The following UNC13C variants were observed in gnomAD, a reference collection of about 807,000 sequenced individuals.
The protein encoded by UNC13C is unc-13 homolog C.
Under a neutral mutation model 245.4 loss-of-function variants are expected in UNC13C, and 174 were observed. The ratio of observed to expected loss-of-function variants is 0.71; its 90% CI spans 0.63 to 0.80. The LOEUF is 0.80. Among genes scored for constraint, UNC13C ranks in the 30% least tolerant of loss-of-function variants. UNC13C has a pLI of 0.00. For synonymous variants in UNC13C, 992 were observed against 895.1 expected, an observed-to-expected ratio of 1.11 and a Z score of -1.93; for missense variants, 2,829 against 2,602.9, an observed-to-expected ratio of 1.09 and a Z score of -1.89.
intron 2 of UNC13C, among the ~76,000 whole-genome samples, chr15:54,126,581 C>T (rs1470100341): frequency 6.6e-6 from 1 of 151,996 alleles, no homozygotes; most frequent in Non-Finnish European, 1.5e-5. Flanking sequence ...AAGACTTAAA[C>T]CTAAGACCTA....
the UNC13C span, among the ~76,000 whole-genome samples, chr15:53,873,663 C>T: frequency 0.7 from 95,149 of 136,100 alleles, 29,845 homozygotes; most frequent in East Asian, 0.74. Flanking sequence ...TGGAGGCCCT[C>T]TCACTTGGCT....
chr15:54,551,052 A>C (rs1896714421), intron 28 of UNC13C, among the ~76,000 whole-genome samples: 1 of 152,124 alleles, frequency 6.6e-6, no homozygotes, highest in Non-Finnish European at 1.5e-5. Flanking sequence ...AACATAAGCA[A>C]ACAGGGAATT....
At chr15:54,404,525 T>A (rs2040255134) in intron 18 of UNC13C, among the ~76,000 whole-genome samples, 1 of 152,102 alleles carries the variant, frequency 6.6e-6, no homozygotes, top group South Asian at 2.1e-4. Flanking sequence ...TTTATGATGG[T>A]AGATTAAGTT....
intron 2 of UNC13C, among the ~76,000 whole-genome samples, chr15:54,033,014 A>G (rs1317646804): frequency 1.3e-5 from 2 of 152,164 alleles, no homozygotes; most frequent in African/African-American, 4.8e-5. Context: ...GAGAGATAAA[A>G]GACTACAAAT....
intron 4 of UNC13C, among the ~76,000 whole-genome samples, chr15:54,175,603 C>A (rs1004685326): frequency 6.6e-6 from 1 of 150,820 alleles, no homozygotes; most frequent in Non-Finnish European, 1.5e-5. Context: ...AGCTCCGCCT[C>A]CCGGGTTCAC....
At chr15:54,232,432 G>A (rs943008159) in intron 4 of UNC13C, among the ~76,000 whole-genome samples, 7 of 152,138 alleles carry the variant, frequency 4.6e-5, no homozygotes, top group Non-Finnish European at 1.0e-4. Flanking sequence ...TAGGAGTGAA[G>A]TGTCAGGCCC....
intron 2 of UNC13C, among the ~76,000 whole-genome samples, chr15:54,083,526 C>T (rs992108823): frequency 3.3e-5 from 5 of 152,202 alleles, no homozygotes; most frequent in Admixed American, 1.3e-4. Flanking sequence ...TGTCAGCCCC[C>T]AGTGGGGAGA....
intron 13 of UNC13C, among the ~76,000 whole-genome samples, chr15:54,313,393 T>A (rs2037924996): frequency 6.6e-6 from 1 of 151,866 alleles, no homozygotes; most frequent in Non-Finnish European, 1.5e-5. Context: ...TAATGTTTCT[T>A]GGTCAATTAG....
chr15:54,130,161 C>A (rs984464001), intron 2 of UNC13C, among the ~76,000 whole-genome samples: 1 of 150,600 alleles, frequency 6.6e-6, no homozygotes, highest in Admixed American at 6.6e-5. Context: ...ATGTGGTTTT[C>A]ATTTTTGTTT....
intron 2 of UNC13C, among the ~76,000 whole-genome samples, chr15:54,084,071 G>A (rs1170559225): frequency 6.6e-6 from 1 of 152,236 alleles, no homozygotes; most frequent in Non-Finnish European, 1.5e-5. Context: ...GAGGGGAGCA[G>A]AGAGGACTCC....
In UNC13C at chr15:54,332,400, C is replaced by A. The variant is rs113891255; in HGVS notation, c.4494+289C>A. ...TAAAATAGCCATCAGATTCAATGAC[C>A]CTCAGCTAATTCATGAAGTAGACTA... On this transcript the variant is annotated intron_variant, in intron 15 of 32. Transcript: ENST00000260323. 5.7e-3 allele frequency among the ~76,000 whole-genome samples: 860 copies of A among 150,628 alleles called. 4 individuals are homozygous for A. Among genetic ancestry groups the A allele is most frequent in the African/African-American group, 0.02 (821 of 40,950 alleles).
intron 17 of UNC13C, among the ~76,000 whole-genome samples, chr15:54,364,303 C>A (rs1342861058): frequency 6.6e-6 from 1 of 151,962 alleles, no homozygotes; most frequent in African/African-American, 2.4e-5. Context: ...ATGACCCCCC[C>A]CCAAGAAAAA....
chr15:54,294,006 A>G lies in UNC13C; in HGVS notation c.3930A>G (p.Gly1310=), dbSNP rs1178110554. Residue 1310 remains glycine, a synonymous_variant, in exon 11 of 33, where the codon GGA becomes GGG. Transcript: ENST00000260323. ...HFKKESDDFL[G]QTIVEVRTLS... is the part of the protein sequence containing the mutation. The stretch of plus-strand genomic sequence containing the variant: ...AAAAGGAGTCAGATGATTTTCTGGG[A>G]CAAACAATTGTAGAAGTGAGGACCT... 1 of 1,598,394 alleles carries G rather than the reference A, an allele frequency of 6.3e-7. No homozygotes were observed.
chr15:53,965,728 C>A, the UNC13C span, among the ~76,000 whole-genome samples: 1 of 151,974 alleles, frequency 6.6e-6, no homozygotes, highest in Non-Finnish European at 1.5e-5. Flanking sequence ...CCCCCTACCC[C>A]ACAACAGTCC....
chr15:53,921,087 G>A, the UNC13C span, among the ~76,000 whole-genome samples: 1 of 151,946 alleles, frequency 6.6e-6, no homozygotes, highest in South Asian at 2.1e-4. Flanking sequence ...CCCTGTGGTA[G>A]GAGGGGAAAG....
chr15:53,932,031 C>T, the UNC13C span, among the ~76,000 whole-genome samples: 3 of 151,964 alleles, frequency 2.0e-5, no homozygotes, highest in East Asian at 5.8e-4. Flanking sequence ...TGACCTAAGT[C>T]CGGGCACAGT....
chr15:54,252,682 T>G (rs1429490654), intron 8 of UNC13C, among the ~76,000 whole-genome samples: 8 of 152,144 alleles, frequency 5.3e-5, no homozygotes, highest in Admixed American at 5.2e-4. Flanking sequence ...TGACACTATA[T>G]ATGAGATAAT....
intron 13 of UNC13C, among the ~76,000 whole-genome samples, chr15:54,319,208 C>T (rs1408938517): frequency 6.6e-6 from 1 of 150,670 alleles, no homozygotes; most frequent in East Asian, 2.0e-4. Context: ...CTTTTATTGT[C>T]ACCTACACCA....
chr15:53,990,080 G>T (rs1894316479), intron 1 of UNC13C, among the ~76,000 whole-genome samples: 1 of 152,020 alleles, frequency 6.6e-6, no homozygotes, highest in Non-Finnish European at 1.5e-5. Flanking sequence ...AACGGGCCAT[G>T]ATAACCAGGA....
Sources: allele counts gnomAD v4.1 joint callset (sites outside exome capture counted in the v4.1 genomes callset), GRCh38; gene constraint gnomAD v4.1.1; transcripts MANE v1.5; gene names NCBI Gene and HGNC (gene_info 2026-07-23, HGNC 2026-07-21).